Variants in GRIK3 observed in about 807,000 individuals in gnomAD.
GRIK3 encodes glutamate ionotropic receptor kainate type subunit 3, also known as glutamate receptor ionotropic, kainate 3.
A neutral mutation model predicts 102.5 loss-of-function variants in GRIK3; 29 were observed. That is an observed-to-expected ratio of 0.28 (90% confidence interval 0.21 to 0.39). The LOEUF (loss-of-function observed/expected upper bound fraction) is 0.39. Among genes scored for constraint, GRIK3 ranks in the 10% least tolerant of loss-of-function variants. The pLI, the probability that GRIK3 is intolerant of heterozygous loss-of-function variation, is 1.00. For missense variants in GRIK3, 908 were observed against 1,252.4 expected (o/e 0.73, Z 4.15); for synonymous variants, 511 against 504.9 (o/e 1.01, Z -0.16).
At chr1:36,863,916 G>A (rs574703217) in intron 5 of GRIK3, among the ~76,000 whole-genome samples, 3 of 152,250 alleles carry the variant, frequency 2.0e-5, no homozygotes, top group East Asian at 1.9e-4. Context: ...GGAATGTAGC[G>A]ACAAGTGTTT....
chr1:36,842,616 A>G (rs115065860), intron 9 of GRIK3, among the ~76,000 whole-genome samples: 234 of 152,044 alleles, frequency 1.5e-3, no homozygotes, highest in Non-Finnish European at 2.4e-3. Flanking sequence ...TAACAGGGAC[A>G]GCTCATCGGT....
At chr1:36,878,404 G>C (rs191210946) in intron 3 of GRIK3, among the ~76,000 whole-genome samples, 2 of 152,344 alleles carry the variant, frequency 1.3e-5, no homozygotes, top group Non-Finnish European at 2.9e-5. Context: ...GTAGAAGCCT[G>C]AGTTAAATAA....
At chr1:36,858,787 C>T (rs1378917682) in intron 7 of GRIK3, among the ~76,000 whole-genome samples, 3 of 152,204 alleles carry the variant, frequency 2.0e-5, no homozygotes, top group Non-Finnish European at 4.4e-5. Context: ...CAAGGCTCTC[C>T]AGCTCGCCCA....
chr1:36,936,644 A>C (rs540384334), intron 1 of GRIK3, among the ~76,000 whole-genome samples: 1 of 152,200 alleles, frequency 6.6e-6, no homozygotes, highest in Non-Finnish European at 1.5e-5. Context: ...AGCAGTTAAC[A>C]CCATCCAGCA....
At chr1:36,991,265 C>T (rs140956950) in intron 1 of GRIK3, among the ~76,000 whole-genome samples, 2 of 152,328 alleles carry the variant, frequency 1.3e-5, no homozygotes, top group African/African-American at 4.8e-5. Context: ...AAATGCAGTT[C>T]CCTTTGCTCT....
intron 1 of GRIK3, among the ~76,000 whole-genome samples, chr1:37,028,669 C>T (rs2124089524): frequency 6.6e-6 from 1 of 152,280 alleles, no homozygotes; most frequent in Middle Eastern, 3.4e-3. Context: ...CCGCATTCAG[C>T]CCCTTAAAAA....
chr1:36,988,212 A>G (rs954018328), intron 1 of GRIK3, among the ~76,000 whole-genome samples: 2 of 151,848 alleles, frequency 1.3e-5, no homozygotes, highest in African/African-American at 4.8e-5. Context: ...AATAGCTTGA[A>G]CTCAGGAGGT....
intron 1 of GRIK3, among the ~76,000 whole-genome samples, chr1:36,974,110 T>C (rs1405663762): frequency 6.6e-6 from 1 of 152,196 alleles, no homozygotes; most frequent in Non-Finnish European, 1.5e-5. Flanking sequence ...CAGCATTTCA[T>C]TGGCTTTTAT....
chr1:36,969,545 C>T (rs557504939), intron 1 of GRIK3, among the ~76,000 whole-genome samples: 6 of 152,250 alleles, frequency 3.9e-5, no homozygotes, highest in African/African-American at 9.6e-5. Context: ...CCTGGAGGTG[C>T]AGAATGAAAA....
chr1:36,891,435 G>T (rs1641114576), intron 1 of GRIK3, among the ~76,000 whole-genome samples: 1 of 152,092 alleles, frequency 6.6e-6, no homozygotes, highest in Non-Finnish European at 1.5e-5. Flanking sequence ...TTTATTCTAG[G>T]AATCTAAGAC....
rs1382157948 is a variant in GRIK3 at position 36,796,675 on chromosome 1, G to A, written c.*5176C>T. 1 of 152,258 alleles carries A rather than the reference G, an allele frequency of 6.6e-6. No homozygotes were observed. Among genetic ancestry groups the A allele is most frequent in the African/African-American group, 2.4e-5 (1 of 41,450 alleles). The allele number at this position is 152,258 out of a possible 1,614,324, so 9.4% of individuals were successfully genotyped here. On this transcript the variant is annotated 3_prime_UTR_variant, in exon 16 of 16. Transcript: ENST00000373091. Reference sequence around the variant, plus strand: ...CCTGGGGGCATTCTCTTTAACAAGTGCTTTCCCTAGTTGTGAGCTGTGTTG... The same window carrying A: ...CCTGGGGGCATTCTCTTTAACAAGTACTTTCCCTAGTTGTGAGCTGTGTTG...
intron 1 of GRIK3, among the ~76,000 whole-genome samples, chr1:37,031,396 T>G (rs1026080532): frequency 6.6e-6 from 1 of 152,254 alleles, no homozygotes; most frequent in South Asian, 2.1e-4. Context: ...AATTCATCTA[T>G]TCAAGACGGA....
chr1:36,984,195 C>T (rs934945688), intron 1 of GRIK3, among the ~76,000 whole-genome samples: 5 of 151,394 alleles, frequency 3.3e-5, no homozygotes, highest in African/African-American at 4.9e-5. Flanking sequence ...CACACTCACA[C>T]GTTTGCACAC....
chr1:36,922,922 C>T (rs957783372), intron 1 of GRIK3, among the ~76,000 whole-genome samples: 3 of 152,246 alleles, frequency 2.0e-5, no homozygotes, highest in African/African-American at 7.2e-5. Flanking sequence ...TGTCTGGAGC[C>T]TGGGGTAAAG....
chr1:37,014,109 G>A (rs1443909412), intron 1 of GRIK3, among the ~76,000 whole-genome samples: 4 of 152,244 alleles, frequency 2.6e-5, no homozygotes, highest in African/African-American at 9.6e-5. Context: ...CTCCAGAGAG[G>A]CCCTTCCTAC....
intron 13 of GRIK3, 151 bp downstream of exon 13, chr1:36,816,909 A>G: frequency 1.6e-6 from 1 of 620,674 alleles, no homozygotes; most frequent in South Asian, 2.0e-5. Context: ...CCCAAAGTCA[A>G]CTAGTCCAAA....
rs796213806 is a variant in GRIK3, at chr1:36,975,290, T to G, written c.115+58704A>C. Among the ~76,000 whole-genome samples the G allele has an allele frequency of 2.8e-4, 40 of 140,762 alleles. 1 individual carries two copies. The South Asian group carries it at 8.5e-3, about 30-fold the overall frequency. The allele number at this position is 140,762 out of a possible 152,430, so 92.3% of individuals were successfully genotyped here. ...ATCAATGAGCTTATCTAAAGTTGGT[T>G]TTTTTTTTTTTTTTTTTTGAGAGGG... On this transcript the variant is annotated intron_variant, in intron 1 of 15. Coordinates refer to ENST00000373091, the MANE Select transcript of GRIK3 (RefSeq NM_000831.4).
chr1:36,817,102 C>G lies in GRIK3; in HGVS notation c.2049G>C (p.Glu683Asp), dbSNP rs1248929926. Residue 683 changes from glutamate (E) to aspartate (D), a missense_variant, in exon 13 of 16, where the codon GAG becomes GAC. By Grantham distance (45) the Glu-to-Asp change is conservative. Coordinates refer to ENST00000373091, the MANE Select transcript of GRIK3 (RefSeq NM_000831.4). ...ADDLAKQTKI[E>D]YGAVKDGATM... Reference sequence around the variant, plus strand: ...TGGCCCCATCCTTGACAGCCCCATACTCGATTTTGGTTTGCTTGGCCAGGT... The same window carrying G: ...TGGCCCCATCCTTGACAGCCCCATAGTCGATTTTGGTTTGCTTGGCCAGGT... The G allele has an allele frequency of 2.5e-6, 4 of 1,614,164 alleles. No individual in the cohort carries two copies. The South Asian group carries it at 4.4e-5, about 18-fold the overall frequency.
chr1:36,951,439 C>T (rs1165497702), intron 1 of GRIK3, among the ~76,000 whole-genome samples: 1 of 152,230 alleles, frequency 6.6e-6, no homozygotes, highest in Non-Finnish European at 1.5e-5. Flanking sequence ...TTGTCTTCTT[C>T]CCACTGCACA....
Sources: allele counts gnomAD v4.1 joint callset (sites outside exome capture counted in the v4.1 genomes callset), GRCh38; gene constraint gnomAD v4.1.1; transcripts MANE v1.5; gene names NCBI Gene and HGNC (gene_info 2026-07-23, HGNC 2026-07-21).